RIMS1: variants seen among roughly 807,000 people sequenced by gnomAD.
RIMS1 encodes regulating synaptic membrane exocytosis 1, also known as regulating synaptic membrane exocytosis protein 1.
RIMS1 carries 83 observed loss-of-function variants against 214.1 expected under a neutral mutation model. The observed-to-expected ratio is 0.39, with a 90% CI of 0.32 to 0.47. The LOEUF (loss-of-function observed/expected upper bound fraction) is 0.47. Among genes scored for constraint, RIMS1 ranks in the 20% least tolerant of loss-of-function variants. The pLI is 0.99. For missense variants in RIMS1, 2,050 were observed against 2,161.8 expected (o/e 0.95, Z 1.03); for synonymous variants, 793 against 786.8 (o/e 1.01, Z -0.13).
chr6:72,203,966 A>T (rs2052477617), intron 6 of RIMS1, among the ~76,000 whole-genome samples: 1 of 152,210 alleles, frequency 6.6e-6, no homozygotes. Context: ...AAAAAGTTGA[A>T]TATTAATTTG....
At chr6:72,379,282 G>A (rs1276267557) in intron 29 of RIMS1, among the ~76,000 whole-genome samples, 1 of 152,214 alleles carries the variant, frequency 6.6e-6, no homozygotes, top group African/African-American at 2.4e-5. Flanking sequence ...AGAGGACTAG[G>A]CTTCGCCAGC....
At chr6:72,079,999 G>A (rs1168572649) in intron 2 of RIMS1, among the ~76,000 whole-genome samples, 1 of 149,340 alleles carries the variant, frequency 6.7e-6, no homozygotes, top group African/African-American at 2.5e-5. Flanking sequence ...CACTTTGGGA[G>A]GCTGAGGCAG....
At chr6:72,179,449 A>T in intron 4 of RIMS1, 126 bp from the exon 5 acceptor site, 1 of 876,294 alleles carries the variant, frequency 1.1e-6, no homozygotes, top group Admixed American at 2.0e-5. Flanking sequence ...CCATTTTCAC[A>T]AGAAATTTGC....
At chr6:71,924,299 T>C (rs1780898032) in intron 1 of RIMS1, among the ~76,000 whole-genome samples, 1 of 152,136 alleles carries the variant, frequency 6.6e-6, no homozygotes, top group African/African-American at 2.4e-5. Flanking sequence ...GTTTCTATTT[T>C]TGCCTCTAAG....
chr6:72,317,834 G>T (rs1021605190), intron 28 of RIMS1, among the ~76,000 whole-genome samples: 1 of 152,134 alleles, frequency 6.6e-6, no homozygotes, highest in Non-Finnish European at 1.5e-5. Context: ...TACTGAAAAT[G>T]CTCAGTTAAG....
rs529236136 is a variant in RIMS1, at chr6:72,184,648, G to A, written c.1678+1499G>A. On this transcript the variant is annotated intron_variant, in intron 6 of 33. Transcript: ENST00000521978. ...GTTTGGCTTTTAAAAAATGTCAAAA[G>A]TAGAAGCAGCTTCTGTGGACCAGCA... Among the ~76,000 whole-genome samples, 7 of 152,254 alleles carry A rather than the reference G, an allele frequency of 4.6e-5. No individual in the cohort carries two copies. In the South Asian group the frequency reaches 1.5e-3, roughly 32 times the overall value.
chr6:72,240,731 G>A (rs140702806), intron 9 of RIMS1, among the ~76,000 whole-genome samples: 26 of 150,434 alleles, frequency 1.7e-4, no homozygotes, highest in Admixed American at 8.0e-4. Flanking sequence ...ATTGGTGGCC[G>A]GGCACGGTGA....
intron 2 of RIMS1, among the ~76,000 whole-genome samples, chr6:71,984,908 T>C (rs140302251): frequency 7.0e-4 from 107 of 152,132 alleles, no homozygotes; most frequent in Non-Finnish European, 1.3e-3. Context: ...CATCCTCCCC[T>C]TCCCTATTCC....
chr6:72,014,845 G>C (rs918874520), intron 2 of RIMS1, among the ~76,000 whole-genome samples: 7 of 152,256 alleles, frequency 4.6e-5, no homozygotes, highest in African/African-American at 1.7e-4. Flanking sequence ...TGAATAATAA[G>C]GTCAAGCATC....
At chr6:71,941,081 C>T (rs1208087945) in intron 1 of RIMS1, among the ~76,000 whole-genome samples, 2 of 151,960 alleles carry the variant, frequency 1.3e-5, no homozygotes, top group Admixed American at 6.6e-5. Flanking sequence ...AAATATAATT[C>T]CTTTTTCCTT....
At chr6:71,970,806 A>C (rs1026900897) in intron 2 of RIMS1, among the ~76,000 whole-genome samples, 5 of 152,196 alleles carry the variant, frequency 3.3e-5, no homozygotes, top group Non-Finnish European at 7.4e-5. Flanking sequence ...ATTCCTTATG[A>C]TAGCTGATTC....
chr6:72,085,049 TCTC>T (rs1329814463), intron 2 of RIMS1, among the ~76,000 whole-genome samples: 2 of 152,122 alleles, frequency 1.3e-5, no homozygotes, highest in African/African-American at 4.8e-5. Flanking sequence ...ATAAGTCAAA[TCTC>T]CTGCTGATTG....
intron 4 of RIMS1, among the ~76,000 whole-genome samples, chr6:72,107,315 C>T (rs1225978385): frequency 2.0e-5 from 3 of 152,324 alleles, no homozygotes; most frequent in East Asian, 1.9e-4. Context: ...AATCCCAGCA[C>T]TTTGGGAGGC....
At chr6:72,178,555 GT>G (rs1157359873) in intron 4 of RIMS1, among the ~76,000 whole-genome samples, 2 of 152,174 alleles carry the variant, frequency 1.3e-5, no homozygotes, top group Non-Finnish European at 2.9e-5. Flanking sequence ...TCCTGTGGAG[GT>G]AGTTTCTGAA....
chr6:71,941,751 G>T (rs2151021173), intron 1 of RIMS1, among the ~76,000 whole-genome samples: 1 of 152,238 alleles, frequency 6.6e-6, no homozygotes, highest in South Asian at 2.1e-4. Context: ...GGCTTGAATT[G>T]TCTGCTTGGT....
intron 4 of RIMS1, among the ~76,000 whole-genome samples, chr6:72,138,663 C>G (rs2041691460): frequency 6.6e-6 from 1 of 151,736 alleles, no homozygotes; most frequent in African/African-American, 2.4e-5. Flanking sequence ...AAAAATAATT[C>G]AACAAAAAAA....
chr6:71,960,843 G>A (rs1185938153), intron 1 of RIMS1, among the ~76,000 whole-genome samples: 1 of 151,964 alleles, frequency 6.6e-6, no homozygotes, highest in Non-Finnish European at 1.5e-5. Context: ...CCCTACCCAG[G>A]CCTACCCAAG....
chr6:72,381,664 C>T (rs148265097), intron 29 of RIMS1, among the ~76,000 whole-genome samples: 29 of 152,130 alleles, frequency 1.9e-4, no homozygotes, highest in Admixed American at 3.9e-4. Context: ...AATAGCTCAG[C>T]GAATGGAAAA....
intron 4 of RIMS1, among the ~76,000 whole-genome samples, chr6:72,125,938 G>A (rs150650026): frequency 0.011 from 1,719 of 152,294 alleles, 10 homozygotes; most frequent in Non-Finnish European, 0.017. Flanking sequence ...GACCCCTTGC[G>A]CTTCCTGGGT....
Sources: gnomAD v4.1 joint callset for allele counts (sites outside exome capture counted in the v4.1 genomes callset) on GRCh38, gnomAD v4.1.1 for gene constraint, MANE v1.5 for transcripts, NCBI Gene and HGNC (gene_info 2026-07-23, HGNC 2026-07-21) for gene names.